The following IMMP2L variants were observed in gnomAD, a reference collection of about 807,000 sequenced individuals.
The protein encoded by IMMP2L is inner mitochondrial membrane peptidase subunit 2.
Under a neutral mutation model 19.3 loss-of-function variants are expected in IMMP2L, and 18 were observed. The ratio of observed to expected loss-of-function variants is 0.93; its 90% CI spans 0.64 to 1.38. The LOEUF is 1.38. Ranked by LOEUF, IMMP2L falls within the 40% of genes most tolerant of loss-of-function variation. The pLI is 0.00. For missense variants in IMMP2L, 233 were observed against 218.2 expected (o/e 1.07, Z -0.43); for synonymous variants, 76 against 73.0 (o/e 1.04, Z -0.21).
At chr7:111,047,145 C>T (rs1006351412) in intron 3 of IMMP2L, among the ~76,000 whole-genome samples, 1 of 151,458 alleles carries the variant, frequency 6.6e-6, no homozygotes, top group Non-Finnish European at 1.5e-5. Context: ...ATCCCCTAAC[C>T]AGGCAGTTTA....
chr7:110,864,625 A>AT (rs1198186689), intron 5 of IMMP2L, among the ~76,000 whole-genome samples: 1 of 151,852 alleles, frequency 6.6e-6, no homozygotes, highest in Middle Eastern at 3.2e-3. Flanking sequence ...GTTATTTCTT[A>AT]TTTTTTCTTT....
chr7:111,073,226 A>T (rs1435121978), intron 3 of IMMP2L, among the ~76,000 whole-genome samples: 1 of 152,186 alleles, frequency 6.6e-6, no homozygotes, highest in Admixed American at 6.5e-5. Flanking sequence ...ATATATACAC[A>T]TAAACACACT....
At chr7:111,414,648 C>A (rs1377236154) in intron 3 of IMMP2L, among the ~76,000 whole-genome samples, 1 of 151,668 alleles carries the variant, frequency 6.6e-6, no homozygotes, top group African/African-American at 2.4e-5. Flanking sequence ...AAAGAATGAA[C>A]CCTAATGTAT....
rs181790857 is a variant in IMMP2L, at chr7:111,528,641, T to C, written c.-2-7192A>G. The stretch of plus-strand genomic sequence containing the variant: ...TGATCATGCATTAATTCATCTAAAA[T>C]TGTTCTTAAGCCTGCTTATATTTTA... On this transcript the variant is annotated intron_variant, in intron 1 of 5. Transcript: ENST00000405709. Among the ~76,000 whole-genome samples the C allele has an allele frequency of 2.4e-3, 373 of 152,258 alleles. 3 individuals are homozygous for C. The highest frequency in any genetic ancestry group is 8.6e-3 in the African/African-American group (356 of 41,558).
intron 3 of IMMP2L, among the ~76,000 whole-genome samples, chr7:111,440,939 T>C (rs879529967): frequency 5.3e-5 from 8 of 152,030 alleles, no homozygotes; most frequent in Middle Eastern, 3.4e-3. Context: ...ATGAAAGTGG[T>C]TTCTTTCCTT....
chr7:110,698,138 G>A (rs1389551139), intron 5 of IMMP2L, among the ~76,000 whole-genome samples: 1 of 152,178 alleles, frequency 6.6e-6, no homozygotes, highest in African/African-American at 2.4e-5. Flanking sequence ...TATGGTACAA[G>A]ATGCCACAGA....
intron 3 of IMMP2L, among the ~76,000 whole-genome samples, chr7:111,312,299 T>C (rs1306603153): frequency 6.6e-6 from 1 of 152,176 alleles, no homozygotes; most frequent in African/African-American, 2.4e-5. Context: ...CACATAAATA[T>C]ATTCATTTCA....
intron 3 of IMMP2L, among the ~76,000 whole-genome samples, chr7:111,283,217 G>A (rs1461027713): frequency 6.6e-6 from 1 of 152,136 alleles, no homozygotes; most frequent in Non-Finnish European, 1.5e-5. Flanking sequence ...TGTAACCAAT[G>A]GGTCAAAGAA....
At chr7:110,988,362 T>C (rs757222235) in intron 3 of IMMP2L, among the ~76,000 whole-genome samples, 3 of 152,102 alleles carry the variant, frequency 2.0e-5, no homozygotes, top group African/African-American at 7.2e-5. Flanking sequence ...AAGAAACAGA[T>C]AGTAGAGGTT....
intron 3 of IMMP2L, among the ~76,000 whole-genome samples, chr7:111,058,596 GA>G (rs1793726719): frequency 6.6e-6 from 1 of 152,128 alleles, no homozygotes; most frequent in African/African-American, 2.4e-5. Context: ...AGAGATGAAA[GA>G]ATAAATCTTA....
At chr7:110,753,063 T>A (rs1173258984) in intron 5 of IMMP2L, among the ~76,000 whole-genome samples, 1 of 152,110 alleles carries the variant, frequency 6.6e-6, no homozygotes, top group Non-Finnish European at 1.5e-5. Context: ...AAGCTTTTCC[T>A]TTGTAGCAGT....
Position 111,408,133 on chromosome 7 carries a change from A to G in IMMP2L, c.239+79105T>C, listed in dbSNP as rs569637698. ...AATGCTAAGCAACAGCACTTATCTA[A>G]AACAAACCAAAAAAGTAGAAGATAA... On this transcript the variant is annotated intron_variant, in intron 3 of 5. Transcript: ENST00000405709. Among the ~76,000 whole-genome samples the G allele has an allele frequency of 2.7e-5, 4 of 149,484 alleles. No homozygotes were observed. In the South Asian group the frequency reaches 8.3e-4, roughly 31 times the overall value.
chr7:111,286,223 A>G (rs556548949), intron 3 of IMMP2L, among the ~76,000 whole-genome samples: 10 of 152,318 alleles, frequency 6.6e-5, no homozygotes, highest in Non-Finnish European at 8.8e-5. Flanking sequence ...CAAAACCAAC[A>G]GTTAGAAGAT....
At chr7:111,407,301 T>C (rs1172352862) in intron 3 of IMMP2L, among the ~76,000 whole-genome samples, 6 of 151,882 alleles carry the variant, frequency 4.0e-5, no homozygotes, top group Admixed American at 2.6e-4. Flanking sequence ...AGCAATACCA[T>C]ACCTAGAAAT....
chr7:111,487,368 T>G (rs769003987), intron 2 of IMMP2L, 27 bp from the exon 3 acceptor site: 4 of 1,284,562 alleles, frequency 3.1e-6, no homozygotes, highest in Non-Finnish European at 4.5e-6. Context: ...AAGAGACACT[T>G]CTATCATTTG....
chr7:111,313,349 G>A (rs1339945987), intron 3 of IMMP2L, among the ~76,000 whole-genome samples: 1 of 152,066 alleles, frequency 6.6e-6, no homozygotes, highest in Non-Finnish European at 1.5e-5. Flanking sequence ...GGCATGTGTG[G>A]TTCACAGGTT....
chr7:111,393,421 C>T (rs1832576400), intron 3 of IMMP2L, among the ~76,000 whole-genome samples: 1 of 152,128 alleles, frequency 6.6e-6, no homozygotes, highest in South Asian at 2.1e-4. Context: ...TTTCTCTTTC[C>T]CTTCCTTCCT....
intron 3 of IMMP2L, among the ~76,000 whole-genome samples, chr7:111,219,445 T>C (rs1175448333): frequency 6.6e-6 from 1 of 152,032 alleles, no homozygotes; most frequent in Non-Finnish European, 1.5e-5. Flanking sequence ...TATTTCTGCA[T>C]TGGTTTGAGC....
In IMMP2L at chr7:111,166,168, T is replaced by C. The variant is rs74610835; in HGVS notation, c.240-202603A>G. Among the ~76,000 whole-genome samples the C allele has an allele frequency of 3.6e-3, 540 of 152,100 alleles. 7 individuals are homozygous for C. The highest frequency in any genetic ancestry group is 0.022 in the East Asian group (115 of 5,138). ...TATCTCCATTTCATAGATTAAGAAA[T>C]TGATGCTTAGATGGGTATCTTGCCT... is the stretch of plus-strand genomic sequence containing the variant. On this transcript the variant is annotated intron_variant, in intron 3 of 5. Coordinates refer to ENST00000405709, the MANE Select transcript of IMMP2L (RefSeq NM_032549.4).
Sources: allele counts gnomAD v4.1 joint callset (sites outside exome capture counted in the v4.1 genomes callset), GRCh38; gene constraint gnomAD v4.1.1; transcripts MANE v1.5; gene names NCBI Gene and HGNC (gene_info 2026-07-23, HGNC 2026-07-21).